KCNMB2: variants seen among roughly 807,000 people sequenced by gnomAD.
The protein encoded by KCNMB2 is potassium calcium-activated channel subfamily M regulatory beta subunit 2.
A neutral mutation model predicts 24.5 loss-of-function variants in KCNMB2; 9 were observed. The ratio of observed to expected loss-of-function variants is 0.37; its 90% CI spans 0.22 to 0.64. The LOEUF is 0.64. Among genes scored for constraint, KCNMB2 ranks in the 30% least tolerant of loss-of-function variants. The probability of loss-of-function intolerance (pLI) is 0.63; values close to 1 mark genes in which losing one functional copy is unlikely to be tolerated. For missense variants in KCNMB2, 226 were observed against 284.3 expected, an observed-to-expected ratio of 0.79 and a Z score of 1.47; for synonymous variants, 109 against 104.4, an observed-to-expected ratio of 1.04 and a Z score of -0.27.
At chr3:178,540,075 T>A (rs1715566515) in intron 1 of KCNMB2, among the ~76,000 whole-genome samples, 1 of 152,182 alleles carries the variant, frequency 6.6e-6, no homozygotes, top group Admixed American at 6.6e-5. Flanking sequence ...ACAGGATATG[T>A]TCAAAATCAA....
intron 1 of KCNMB2, among the ~76,000 whole-genome samples, chr3:178,702,504 T>C (rs1722137348): frequency 6.6e-6 from 1 of 151,858 alleles, no homozygotes; most frequent in African/African-American, 2.4e-5. Flanking sequence ...AGAATTTGCC[T>C]GGTTGAGTGT....
At chr3:178,576,138 G>A (rs1226787152) in intron 1 of KCNMB2, among the ~76,000 whole-genome samples, 1 of 151,920 alleles carries the variant, frequency 6.6e-6, no homozygotes, top group Non-Finnish European at 1.5e-5. Flanking sequence ...ATTTGCAACT[G>A]AGGTACCCGG....
chr3:178,695,749 C>T (rs1490513328), intron 1 of KCNMB2, among the ~76,000 whole-genome samples: 2 of 152,156 alleles, frequency 1.3e-5, no homozygotes, highest in Non-Finnish European at 2.9e-5. Context: ...CAATAAGTCT[C>T]TAGGAAGGTC....
At chr3:178,827,456 G>A (rs538490962) in intron 3 of KCNMB2, among the ~76,000 whole-genome samples, 1 of 152,270 alleles carries the variant, frequency 6.6e-6, no homozygotes, top group African/African-American at 2.4e-5. Context: ...CCTTGCATAT[G>A]TCATGGGATT....
chr3:178,576,131 T>C (rs1716980161), intron 1 of KCNMB2, among the ~76,000 whole-genome samples: 1 of 151,874 alleles, frequency 6.6e-6, no homozygotes, highest in Admixed American at 6.6e-5. Context: ...TTTCTGCATT[T>C]GCAACTGAGG....
chr3:178,542,246 G>A lies in KCNMB2; in HGVS notation c.-68+5535G>A, dbSNP rs1458490559. On this transcript the variant is annotated intron_variant, in intron 1 of 4. Transcript: ENST00000452583. Reference sequence around the variant, plus strand: ...TTATATATAAAAATAGCTACATGATGTTGGGCAAGTTTCTTAAACCTTACT... The same window carrying A: ...TTATATATAAAAATAGCTACATGATATTGGGCAAGTTTCTTAAACCTTACT... Among the ~76,000 whole-genome samples the A allele has an allele frequency of 3.3e-5, 5 of 152,164 alleles. No homozygotes were observed. In the South Asian group the frequency reaches 8.3e-4, roughly 25 times the overall value.
intron 1 of KCNMB2, among the ~76,000 whole-genome samples, chr3:178,757,361 T>A (rs1299632659): frequency 1.2e-5 from 1 of 82,934 alleles, no homozygotes; most frequent in African/African-American, 5.0e-5. Flanking sequence ...TATATATATA[T>A]ATATATATAT....
intron 1 of KCNMB2, among the ~76,000 whole-genome samples, chr3:178,767,332 T>C (rs181310729): frequency 1.3e-5 from 2 of 152,176 alleles, no homozygotes; most frequent in Non-Finnish European, 2.9e-5. Flanking sequence ...TGTTTGTATA[T>C]TCCAGAAGCA....
chr3:178,758,647 GAT>G (rs1314543803), intron 1 of KCNMB2, among the ~76,000 whole-genome samples: 7 of 44,378 alleles, frequency 1.6e-4, no homozygotes, highest in Non-Finnish European at 1.3e-4. Context: ...TCTCCAAGAG[GAT>G]ATATATATAT....
At chr3:178,732,693 T>A (rs1162447845) in intron 1 of KCNMB2, among the ~76,000 whole-genome samples, 1 of 152,190 alleles carries the variant, frequency 6.6e-6, no homozygotes, top group Non-Finnish European at 1.5e-5. Flanking sequence ...TGTTAATGAA[T>A]CAATAATGTA....
chr3:178,841,823 A>C (rs2108480382), intron 4 of KCNMB2, among the ~76,000 whole-genome samples: 1 of 152,314 alleles, frequency 6.6e-6, no homozygotes, highest in East Asian at 1.9e-4. Context: ...ACAGAGCCAA[A>C]CCATATCAAA....
intron 1 of KCNMB2, among the ~76,000 whole-genome samples, chr3:178,660,741 G>A (rs902344588): frequency 6.6e-6 from 1 of 152,090 alleles, no homozygotes; most frequent in African/African-American, 2.4e-5. Flanking sequence ...CAGGGTCACA[G>A]AGCTGGTAAA....
intron 1 of KCNMB2, among the ~76,000 whole-genome samples, chr3:178,615,998 C>CT (rs1177510766): frequency 6.6e-6 from 1 of 152,150 alleles, no homozygotes; most frequent in African/African-American, 2.4e-5. Context: ...CTTCACGACT[C>CT]TGACTGGTGC....
At chr3:178,820,605 G>A (rs1398340714) in intron 2 of KCNMB2, 1 of 152,740 alleles carries the variant, frequency 6.5e-6, no homozygotes, top group Non-Finnish European at 1.5e-5. Context: ...ATATTTGTAT[G>A]TGCATGGCCT....
At chr3:178,716,290 T>C (rs1722615457) in intron 1 of KCNMB2, among the ~76,000 whole-genome samples, 1 of 152,226 alleles carries the variant, frequency 6.6e-6, no homozygotes, top group Non-Finnish European at 1.5e-5. Flanking sequence ...TTGTTAAACA[T>C]TCACGTTATC....
chr3:178,579,961 T>G (rs1717137788), intron 1 of KCNMB2, among the ~76,000 whole-genome samples: 1 of 152,178 alleles, frequency 6.6e-6, no homozygotes, highest in African/African-American at 2.4e-5. Flanking sequence ...TTGGTACCAT[T>G]CGTTCTGAAA....
chr3:178,633,281 A>G (rs1483284709), intron 1 of KCNMB2, among the ~76,000 whole-genome samples: 1 of 152,006 alleles, frequency 6.6e-6, no homozygotes, highest in Non-Finnish European at 1.5e-5. Context: ...TGTGTGGGGG[A>G]TTCAACCCAC....
chr3:178,732,574 T>A (rs1465378095), intron 1 of KCNMB2, among the ~76,000 whole-genome samples: 2 of 152,158 alleles, frequency 1.3e-5, no homozygotes, highest in Non-Finnish European at 2.9e-5. Context: ...TGAAGTGCTG[T>A]CTAGTGCTCC....
chr3:178,665,941 G>A (rs540496630), intron 1 of KCNMB2, among the ~76,000 whole-genome samples: 7 of 152,206 alleles, frequency 4.6e-5, no homozygotes, highest in African/African-American at 7.2e-5. Context: ...TAGCATCCCC[G>A]TTAAGCCTTT....
Sources: gnomAD v4.1 joint callset for allele counts (sites outside exome capture counted in the v4.1 genomes callset) on GRCh38, gnomAD v4.1.1 for gene constraint, MANE v1.5 for transcripts, NCBI Gene and HGNC (gene_info 2026-07-23, HGNC 2026-07-21) for gene names.